Variants in CC2D2A observed in about 807,000 individuals in gnomAD.
CC2D2A encodes the protein coiled-coil and C2 domain containing 2A.
CC2D2A carries 155 observed loss-of-function variants against 212.9 expected under a neutral mutation model. That is an observed-to-expected ratio of 0.73 (90% CI 0.64 to 0.83). CC2D2A has a LOEUF of 0.83. CC2D2A is among the 40% of genes least tolerant of loss of function. The pLI, the probability that CC2D2A is intolerant of heterozygous loss-of-function variation, is 0.00. For missense variants in CC2D2A, 1,856 were observed against 1,956.2 expected, an observed-to-expected ratio of 0.95 and a Z score of 0.97; for synonymous variants, 667 against 686.5, an observed-to-expected ratio of 0.97 and a Z score of 0.44.
Position 15,533,313 on chromosome 4 carries a change from C to A in CC2D2A, c.1587C>A (p.Pro529=). The A allele has an allele frequency of 6.4e-7, 1 of 1,567,000 alleles. No homozygotes were observed. Among genetic ancestry groups the A allele is most frequent in the East Asian group, 2.3e-5 (1 of 43,336 alleles). The change falls in exon 14 of 37, where the codon CCC becomes CCA. Residue 529 remains proline, a synonymous_variant. Transcript: ENST00000424120. ...LREFQRFTNT[P]LKLVLRKEKA... ...AGTTCCAGAGATTTACAAATACTCCCTTGAAACTTGTTTTGAGAAAGTAGG... is the reference window on the plus strand; with the variant it reads ...AGTTCCAGAGATTTACAAATACTCCATTGAAACTTGTTTTGAGAAAGTAGG...
intron 3 of CC2D2A, among the ~76,000 whole-genome samples, chr4:15,480,218 A>G (rs1006847471): frequency 2.6e-5 from 4 of 152,204 alleles, no homozygotes; most frequent in Admixed American, 1.3e-4. Flanking sequence ...GCTTTAGTCT[A>G]TCTGTCCTCA....
intron 28 of CC2D2A, among the ~76,000 whole-genome samples, chr4:15,572,236 T>C (rs1720204403): frequency 6.6e-6 from 1 of 152,186 alleles, no homozygotes; most frequent in Non-Finnish European, 1.5e-5. Context: ...ATTTTATAAA[T>C]GGAGAAACAG....
intron 28 of CC2D2A, among the ~76,000 whole-genome samples, chr4:15,570,698 T>C: frequency 6.6e-6 from 1 of 151,908 alleles, no homozygotes; most frequent in Non-Finnish European, 1.5e-5. Flanking sequence ...CTACTAAAGA[T>C]ACAAAAAATT....
chr4:15,600,423 A>G (rs1721531704), intron 36 of CC2D2A, among the ~76,000 whole-genome samples: 1 of 152,224 alleles, frequency 6.6e-6, no homozygotes, highest in Non-Finnish European at 1.5e-5. Flanking sequence ...TGATGGCATC[A>G]TCCTGAGACT....
intron 28 of CC2D2A, among the ~76,000 whole-genome samples, chr4:15,573,076 T>G (rs1329455066): frequency 6.6e-6 from 1 of 152,086 alleles, no homozygotes; most frequent in African/African-American, 2.4e-5. Flanking sequence ...CAAATGTTAA[T>G]CTCCCTTGGC....
At chr4:15,592,825 A>C (rs369128666) in intron 33 of CC2D2A, among the ~76,000 whole-genome samples, 1 of 152,184 alleles carries the variant, frequency 6.6e-6, no homozygotes, top group East Asian at 1.9e-4. Flanking sequence ...TGCCTTATCA[A>C]AATCTCACAC....
chr4:15,587,686 A>C (rs770517102), intron 31 of CC2D2A, 130 bp from the exon 32 acceptor site: 1 of 491,102 alleles, frequency 2.0e-6, no homozygotes, highest in Non-Finnish European at 3.6e-6. Flanking sequence ...ATAGTATCAA[A>C]ATTTCGGGCA....
intron 13 of CC2D2A, among the ~76,000 whole-genome samples, chr4:15,530,744 G>A (rs1577352786): frequency 6.6e-6 from 1 of 151,908 alleles, no homozygotes; most frequent in Middle Eastern, 3.4e-3. Flanking sequence ...ATGGTCTATT[G>A]CTGGATGTTT....
At chr4:15,525,908 T>C (rs1355510740) in intron 11 of CC2D2A, among the ~76,000 whole-genome samples, 2 of 152,202 alleles carry the variant, frequency 1.3e-5, no homozygotes, top group Non-Finnish European at 2.9e-5. Context: ...TATTGGAATG[T>C]GGGGTAATGC....
At chr4:15,595,486 T>C (rs1010001908) in intron 33 of CC2D2A, among the ~76,000 whole-genome samples, 3 of 152,234 alleles carry the variant, frequency 2.0e-5, no homozygotes, top group Admixed American at 6.5e-5. Flanking sequence ...TACAGATTAA[T>C]TAACTCACTG....
chr4:15,601,101 A>T, intron 36 of CC2D2A, 136 bp from the exon 37 acceptor site: 1 of 741,386 alleles, frequency 1.3e-6, no homozygotes. Context: ...TGTATTGCTA[A>T]TAAAAAGCTG....
At chr4:15,483,450 T>A (rs947333255) in intron 4 of CC2D2A, among the ~76,000 whole-genome samples, 6 of 152,186 alleles carry the variant, frequency 3.9e-5, no homozygotes, top group African/African-American at 1.4e-4. Flanking sequence ...TATGACCCAG[T>A]CATAGAAATC....
intron 30 of CC2D2A, among the ~76,000 whole-genome samples, chr4:15,585,534 TAC>T (rs899533911): frequency 3.3e-5 from 5 of 152,270 alleles, no homozygotes; most frequent in East Asian, 3.9e-4. Context: ...GGTGCAAAGT[TAC>T]AGTTAGGAAG....
chr4:15,599,660 A>T lies in CC2D2A; in HGVS notation c.4628A>T (p.Glu1543Val). Residue 1543 changes from glutamate to valine, a missense_variant, in exon 36 of 37, where the codon GAA becomes GTA. By Grantham distance (121) the Glu-to-Val change is moderately radical (BLOSUM62 -2). Coordinates refer to ENST00000424120, the MANE Select transcript of CC2D2A (RefSeq NM_001378615.1). Reference protein sequence around the residue: ...LLEKSQGEDVEDDHRAELLKQ... With the variant: ...LLEKSQGEDVVDDHRAELLKQ... The stretch of plus-strand genomic sequence containing the variant: ...GAAAAAAGTCAAGGAGAAGATGTAG[A>T]AGATGACCACAGAGCAGAACTGCTA... 1 of 1,613,746 alleles carries T rather than the reference A, an allele frequency of 6.2e-7. No individual in the cohort carries two copies. Among genetic ancestry groups the T allele is most frequent in the Non-Finnish European group, 8.5e-7 (1 of 1,179,676 alleles).
Position 15,481,470 on chromosome 4 carries a change from C to A in CC2D2A, c.247+643C>A, listed in dbSNP as rs143484010. The A allele has an allele frequency of 1.7e-3, 496 of 292,046 alleles. 1 individual carries two copies. The highest frequency in any genetic ancestry group is 0.01 in the African/African-American group (456 of 45,218). 18.1% of individuals were successfully genotyped at this position (292,046 alleles called of 1,614,324 possible). ...AGGTTGCAGTGAGCCGAGATCGGAG[C>A]ACTGCACTCCAGCCTAGGCAACAGA... On this transcript the variant is annotated intron_variant, in intron 4 of 36. Transcript: ENST00000424120.
At chr4:15,565,469 T>A (rs901750868) in intron 24 of CC2D2A, among the ~76,000 whole-genome samples, 2 of 150,800 alleles carry the variant, frequency 1.3e-5, no homozygotes, top group Non-Finnish European at 1.5e-5. Context: ...CTAATACCTA[T>A]CTCACTTTAT....
chr4:15,510,759 T>C (rs1164104798), intron 7 of CC2D2A, among the ~76,000 whole-genome samples: 4 of 152,096 alleles, frequency 2.6e-5, no homozygotes, highest in African/African-American at 9.7e-5. Context: ...ACAGGAAATG[T>C]TGGTGATAAG....
At chr4:15,499,382 C>T (rs1577327023) in intron 4 of CC2D2A, among the ~76,000 whole-genome samples, 1 of 152,134 alleles carries the variant, frequency 6.6e-6, no homozygotes, top group Non-Finnish European at 1.5e-5. Context: ...GAAGTCTCTG[C>T]AACTTCCCCT....
intron 7 of CC2D2A, among the ~76,000 whole-genome samples, chr4:15,510,475 G>C (rs1027828154): frequency 6.6e-6 from 1 of 152,048 alleles, no homozygotes; most frequent in Non-Finnish European, 1.5e-5. Context: ...ACACACCTGT[G>C]GTCCAAGCTA....
Sources: gnomAD v4.1 joint callset for allele counts (sites outside exome capture counted in the v4.1 genomes callset) on GRCh38, gnomAD v4.1.1 for gene constraint, MANE v1.5 for transcripts, NCBI Gene and HGNC (gene_info 2026-07-23, HGNC 2026-07-21) for gene names.